The following ROBO2 variants were observed in gnomAD, a reference collection of about 807,000 sequenced individuals.
ROBO2 encodes roundabout homolog 2.
In ROBO2, 53 loss-of-function variants were observed where a neutral mutation model predicts 160.8. The ratio of observed to expected loss-of-function variants is 0.33; its 90% CI spans 0.26 to 0.41. The LOEUF is 0.41. Among genes scored for constraint, ROBO2 ranks in the 10% least tolerant of loss-of-function variants. The pLI is 1.00. For missense variants in ROBO2, 1,577 were observed against 1,722.4 expected (o/e 0.92, Z 1.49); for synonymous variants, 664 against 611.7 (o/e 1.09, Z -1.26).
At chr3:77,635,972 C>A (rs1220138090) in intron 24 of ROBO2, among the ~76,000 whole-genome samples, 3 of 152,144 alleles carry the variant, frequency 2.0e-5, no homozygotes, top group African/African-American at 7.2e-5. Context: ...CTTTCTGGTT[C>A]ATAGAGGGTG....
chr3:76,254,554 A>G (rs773727965), intron 2 of ROBO2, among the ~76,000 whole-genome samples: 3 of 152,144 alleles, frequency 2.0e-5, no homozygotes, highest in African/African-American at 4.8e-5. Flanking sequence ...TGTAAAAGTT[A>G]AATTAGAGAG....
At chr3:76,376,116 A>C (rs1054361049) in intron 2 of ROBO2, among the ~76,000 whole-genome samples, 3 of 152,084 alleles carry the variant, frequency 2.0e-5, no homozygotes, top group African/African-American at 4.8e-5. Context: ...ATGCTTTTCT[A>C]TCTTCCTAAA....
At chr3:75,921,358 A>ACT in intron 1 of ROBO2, among the ~76,000 whole-genome samples, 1 of 151,744 alleles carries the variant, frequency 6.6e-6, no homozygotes, top group African/African-American at 2.4e-5. Flanking sequence ...ATATACATAC[A>ACT]CACACACACA....
intron 2 of ROBO2, among the ~76,000 whole-genome samples, chr3:76,597,833 T>C (rs139844779): frequency 6.6e-6 from 1 of 152,298 alleles, no homozygotes; most frequent in East Asian, 1.9e-4. Context: ...TTAAGGATTA[T>C]GGCCTCCATC....
intron 2 of ROBO2, among the ~76,000 whole-genome samples, chr3:76,144,953 C>G (rs981312464): frequency 6.6e-6 from 1 of 151,854 alleles, no homozygotes; most frequent in Non-Finnish European, 1.5e-5. Flanking sequence ...GTGAAAATGA[C>G]CTTGTCATAC....
chr3:76,975,501 A>T (rs1411783366), intron 2 of ROBO2, among the ~76,000 whole-genome samples: 1 of 152,052 alleles, frequency 6.6e-6, no homozygotes, highest in Non-Finnish European at 1.5e-5. Flanking sequence ...GGAGACTGCG[A>T]CTGTGTCTTA....
intron 2 of ROBO2, among the ~76,000 whole-genome samples, chr3:76,862,235 C>T (rs1441097192): frequency 3.3e-5 from 5 of 152,116 alleles, no homozygotes; most frequent in Admixed American, 2.6e-4. Flanking sequence ...TACATGGTTA[C>T]ACGTAGCTGC....
intron 2 of ROBO2, among the ~76,000 whole-genome samples, chr3:77,187,102 C>A (rs1405332860): frequency 6.6e-6 from 1 of 151,860 alleles, no homozygotes; most frequent in East Asian, 1.9e-4. Context: ...TAAGACTGAT[C>A]CTTCATTGTA....
intron 2 of ROBO2, among the ~76,000 whole-genome samples, chr3:76,824,837 C>T (rs1269233019): frequency 1.3e-5 from 2 of 152,162 alleles, no homozygotes; most frequent in Non-Finnish European, 2.9e-5. Flanking sequence ...TGCCCCATCA[C>T]TGAGATTCAG....
At chr3:76,418,636 G>A (rs1243894251) in intron 2 of ROBO2, among the ~76,000 whole-genome samples, 1 of 150,520 alleles carries the variant, frequency 6.6e-6, no homozygotes, top group Non-Finnish European at 1.5e-5. Flanking sequence ...CTGGTTCAGA[G>A]CTATTTGCTC....
intron 9 of ROBO2, among the ~76,000 whole-genome samples, chr3:77,558,622 T>C (rs1037348219): frequency 3.3e-5 from 5 of 151,936 alleles, no homozygotes; most frequent in African/African-American, 1.2e-4. Flanking sequence ...AAACCTTAGG[T>C]TGTAGGTTAA....
intron 1 of ROBO2, among the ~76,000 whole-genome samples, chr3:77,041,535 T>A (rs2064097993): frequency 6.6e-6 from 1 of 152,210 alleles, no homozygotes; most frequent in South Asian, 2.1e-4. Context: ...TGAGTCAGTC[T>A]GTCAAGCCCA....
intron 1 of ROBO2, among the ~76,000 whole-genome samples, chr3:75,922,691 A>G (rs1264939411): frequency 1.3e-5 from 2 of 152,122 alleles, no homozygotes; most frequent in Non-Finnish European, 2.9e-5. Flanking sequence ...ACAAAATTAT[A>G]TTATTAATTT....
chr3:76,447,955 AT>A (rs1188899365), intron 2 of ROBO2, among the ~76,000 whole-genome samples: 1 of 151,216 alleles, frequency 6.6e-6, no homozygotes, highest in East Asian at 2.0e-4. Context: ...TGACGAGTTA[AT>A]GGGTGCAGCA....
chr3:76,942,094 G>A (rs2078225139), intron 2 of ROBO2, among the ~76,000 whole-genome samples: 1 of 152,148 alleles, frequency 6.6e-6, no homozygotes, highest in Non-Finnish European at 1.5e-5. Context: ...ATTGTGATAT[G>A]AAATTCATAT....
chr3:77,435,252 C>T (rs1190822995), intron 2 of ROBO2, among the ~76,000 whole-genome samples: 1 of 151,820 alleles, frequency 6.6e-6, no homozygotes, highest in Non-Finnish European at 1.5e-5. Flanking sequence ...TATACTGACT[C>T]CATGAATCTG....
intron 2 of ROBO2, among the ~76,000 whole-genome samples, chr3:76,879,775 T>A (rs1398664524): frequency 6.6e-6 from 1 of 152,170 alleles, no homozygotes; most frequent in African/African-American, 2.4e-5. Flanking sequence ...ACTTTGATTA[T>A]AGTTATCTGA....
chr3:77,331,067 A>G (rs2065919751), intron 2 of ROBO2, among the ~76,000 whole-genome samples: 1 of 152,194 alleles, frequency 6.6e-6, no homozygotes, highest in Non-Finnish European at 1.5e-5. Flanking sequence ...TTGCGAAGAA[A>G]AGAGCCCTGA....
intron 2 of ROBO2, among the ~76,000 whole-genome samples, chr3:76,265,464 C>T (rs1559698365): frequency 1.3e-5 from 2 of 152,110 alleles, no homozygotes; most frequent in East Asian, 1.9e-4. Flanking sequence ...GTAATAAGAG[C>T]TTCCTTCTCT....
Sources: gnomAD v4.1 joint callset for allele counts (sites outside exome capture counted in the v4.1 genomes callset) on GRCh38, gnomAD v4.1.1 for gene constraint, MANE v1.5 for transcripts, NCBI Gene and HGNC (gene_info 2026-07-23, HGNC 2026-07-21) for gene names.